The following AFF3 variants were observed in gnomAD, a reference collection of about 807,000 sequenced individuals.
AFF3 encodes the protein ALF transcription elongation factor 3.
AFF3 carries 32 observed loss-of-function variants against 129.7 expected under a neutral mutation model. That is an observed-to-expected ratio of 0.25 (90% confidence interval 0.19 to 0.33). The LOEUF (loss-of-function observed/expected upper bound fraction) is 0.33. AFF3 is among the 10% of genes least tolerant of loss of function. AFF3 has a pLI of 1.00. For missense variants in AFF3, 1,373 were observed against 1,592.0 expected (o/e 0.86, Z 2.34); for synonymous variants, 644 against 635.4 (o/e 1.01, Z -0.20).
At chr2:99,764,741 T>C (rs1024363612) in intron 8 of AFF3, among the ~76,000 whole-genome samples, 8 of 152,160 alleles carry the variant, frequency 5.3e-5, no homozygotes, top group African/African-American at 1.9e-4. Flanking sequence ...TGCTGCTGAG[T>C]ATACAGCTGC....
At chr2:99,825,401 C>G (rs1688001391) in intron 8 of AFF3, among the ~76,000 whole-genome samples, 1 of 152,148 alleles carries the variant, frequency 6.6e-6, no homozygotes, top group African/African-American at 2.4e-5. Context: ...TGTAATTTCA[C>G]AACCCTTAAT....
At position 99,593,823 on chromosome 2, in the gene AFF3, G is replaced by A. The variant is rs1657468508; in HGVS notation, c.1838C>T (p.Ala613Val). Residue 613 changes from alanine (A) to valine (V), a missense_variant, in exon 15 of 25, where the codon GCG becomes GTG. By Grantham distance (64) the Ala-to-Val change is moderately conservative (BLOSUM62 0). Around this residue, in one of 9 missense-constraint regions of AFF3, gnomAD observed 466 missense variants for 505.0 expected, o/e 0.92. Coordinates refer to ENST00000672756, the MANE Select transcript of AFF3 (RefSeq NM_001386135.1). ...GGGGACCACCACGCTCGTCCCCAGC[G>A]CGTCCGCGGCCGCGGGCTCCTCGGG... ...HRPEEPAAADALGTSVVVPPE... is the reference protein window; with the variant it reads ...HRPEEPAAADVLGTSVVVPPE... The A allele has an allele frequency of 3.1e-6, 5 of 1,607,208 alleles. No individual in the cohort carries two copies. The highest frequency in any genetic ancestry group is 1.1e-5 in the South Asian group (1 of 90,854).
intron 7 of AFF3, among the ~76,000 whole-genome samples, chr2:99,964,805 A>C (rs1043843884): frequency 6.6e-6 from 1 of 152,202 alleles, no homozygotes; most frequent in Non-Finnish European, 1.5e-5. Flanking sequence ...GTGGTCATGA[A>C]ACTCTTCTGT....
intron 10 of AFF3, among the ~76,000 whole-genome samples, chr2:99,730,428 T>C (rs1421827941): frequency 6.6e-6 from 1 of 152,172 alleles, no homozygotes. Context: ...TAGTGTCATA[T>C]AGGGACTAAA....
Position 99,908,491 on chromosome 2 carries a change from TA to T in AFF3, c.874-70968del, listed in dbSNP as rs531661161. On this transcript the variant is annotated intron_variant, in intron 7 of 24. Transcript: ENST00000672756. ...ATTGACAAATGGGATCTAATTAAAC[TA>T]AAGAGCTTCTGCACAGCAAAAGAAA... 1.4e-4 allele frequency among the ~76,000 whole-genome samples: 22 copies of T among 152,138 alleles called. No individual in the cohort carries two copies. In the East Asian group the frequency reaches 3.7e-3, roughly 25 times the overall value.
At chr2:99,765,286 T>C (rs950676584) in intron 8 of AFF3, among the ~76,000 whole-genome samples, 7 of 152,166 alleles carry the variant, frequency 4.6e-5, no homozygotes, top group African/African-American at 1.4e-4. Context: ...TGGAAGACTG[T>C]GGAGGCTGGA....
At position 100,059,950 on chromosome 2, in the gene AFF3, A is replaced by T. The variant is rs114478387; in HGVS notation, c.53+44452T>A. On this transcript the variant is annotated intron_variant, in intron 4 of 24. Coordinates refer to ENST00000672756, the MANE Select transcript of AFF3 (RefSeq NM_001386135.1). ...TCATGATGCGTGTCTTTAAGATCAC[A>T]GATAACGTTCTGTGTAACAACAAAC... Among the ~76,000 whole-genome samples, 724 of 151,986 alleles carry T rather than the reference A, an allele frequency of 4.8e-3. 7 individuals are homozygous for T. Among genetic ancestry groups the T allele is most frequent in the African/African-American group, 0.016 (672 of 41,210 alleles).
chr2:99,887,176 C>T (rs924696222), intron 7 of AFF3, among the ~76,000 whole-genome samples: 2 of 152,144 alleles, frequency 1.3e-5, no homozygotes, highest in East Asian at 1.9e-4. Context: ...TCAATTTAGC[C>T]TCAGTCTTTA....
At chr2:99,626,510 T>TC (rs1682596624) in intron 13 of AFF3, among the ~76,000 whole-genome samples, 2 of 116,000 alleles carry the variant, frequency 1.7e-5, no homozygotes, top group South Asian at 6.7e-4. Flanking sequence ...CCCTTCCCTT[T>TC]CCCCTTCCTC....
At chr2:99,821,678 C>T (rs1362357520) in intron 8 of AFF3, among the ~76,000 whole-genome samples, 1 of 152,150 alleles carries the variant, frequency 6.6e-6, no homozygotes, top group Non-Finnish European at 1.5e-5. Flanking sequence ...ATTGGACATA[C>T]CTGTATGTGC....
chr2:99,619,563 A>T (rs900277526), intron 13 of AFF3, among the ~76,000 whole-genome samples: 1 of 152,248 alleles, frequency 6.6e-6, no homozygotes, highest in Non-Finnish European at 1.5e-5. Flanking sequence ...CACAATTAAA[A>T]TGAGTGAAAA....
intron 13 of AFF3, among the ~76,000 whole-genome samples, chr2:99,628,721 TGA>T: frequency 3.0e-5 from 3 of 100,182 alleles, no homozygotes; most frequent in Admixed American, 1.2e-4. Context: ...CATGCTTGAC[TGA>T]TTTTTTTTTT....
chr2:99,655,606 C>T (rs1379438875), intron 12 of AFF3, among the ~76,000 whole-genome samples: 2 of 152,086 alleles, frequency 1.3e-5, no homozygotes, highest in African/African-American at 2.4e-5. Context: ...GGGTTTTAGA[C>T]ATCAAGTGAA....
intron 22 of AFF3, 74 bp from the exon 23 acceptor site, chr2:99,554,806 AG>A: frequency 6.4e-7 from 1 of 1,554,912 alleles, no homozygotes; most frequent in Non-Finnish European, 8.9e-7. Context: ...ACGTGTTTTC[AG>A]GTGACTGCAG....
At chr2:99,594,738 G>A (rs749513231) in intron 14 of AFF3, among the ~76,000 whole-genome samples, 2 of 152,216 alleles carry the variant, frequency 1.3e-5, no homozygotes, top group Non-Finnish European at 2.9e-5. Context: ...GGGGGACTAA[G>A]TGGAACCTAC....
chr2:99,788,729 A>G (rs1684983909), intron 8 of AFF3, among the ~76,000 whole-genome samples: 2 of 152,246 alleles, frequency 1.3e-5, no homozygotes, highest in South Asian at 2.1e-4. Context: ...ATAATGTCCT[A>G]GGCCTTCACA....
rs962855184 is a variant in AFF3 at position 99,707,549 on chromosome 2, C to T, written c.1091+19528G>A. 7.2e-6 allele frequency: 7 copies of T among 977,122 alleles called. No homozygotes were observed. In the African/African-American group the frequency reaches 1.3e-4, roughly 18 times the overall value. The allele number at this position is 977,122 out of a possible 1,614,324, so 60.5% of individuals were successfully genotyped here. ...GGTAGCCTTCTTTGATATTGAATTA[C>T]CAAAGTATCTCGCTGAAAAAAAAAT... is the stretch of plus-strand genomic sequence containing the variant. On this transcript the variant is annotated intron_variant, in intron 11 of 24. Coordinates refer to ENST00000672756, the MANE Select transcript of AFF3 (RefSeq NM_001386135.1).
intron 11 of AFF3, among the ~76,000 whole-genome samples, chr2:99,702,132 T>C (rs1410517779): frequency 1.3e-5 from 2 of 152,252 alleles, no homozygotes; most frequent in Admixed American, 6.5e-5. Context: ...CTGGGATATA[T>C]GCCCAAGAGT....
chr2:99,989,999 G>GAATTA (rs1441563911), intron 7 of AFF3, among the ~76,000 whole-genome samples: 1 of 152,076 alleles, frequency 6.6e-6, no homozygotes, highest in African/African-American at 2.4e-5. Context: ...AATATCATGG[G>GAATTA]AATTAGCCTG....
Sources: allele counts gnomAD v4.1 joint callset (sites outside exome capture counted in the v4.1 genomes callset), GRCh38; gene constraint gnomAD v4.1.1; regional missense constraint gnomAD v4.1.1; transcripts MANE v1.5; gene names NCBI Gene and HGNC (gene_info 2026-07-23, HGNC 2026-07-21).